Variants in DENND2D observed in about 807,000 individuals in gnomAD.
DENND2D encodes DENN domain containing 2D.
A neutral mutation model predicts 59.8 loss-of-function variants in DENND2D; 37 were observed. The ratio of observed to expected loss-of-function variants is 0.62; its 90% CI spans 0.48 to 0.81. The LOEUF (loss-of-function observed/expected upper bound fraction) is 0.81, where lower values mean the gene tolerates loss of function less well. DENND2D is among the 40% of genes least tolerant of loss of function. DENND2D has a pLI of 0.00. For missense variants in DENND2D, 525 were observed against 579.7 expected (o/e 0.91, Z 0.97); for synonymous variants, 219 against 211.3 (o/e 1.04, Z -0.31).
Position 111,188,208 on chromosome 1 carries a change from A to G in DENND2D, c.1262T>C (p.Phe421Ser), listed in dbSNP as rs563916796. 6.2e-7 allele frequency: 1 copy of G among 1,614,186 alleles called. No homozygotes were observed. The highest frequency in any genetic ancestry group is 2.2e-5 in the East Asian group (1 of 44,884). The change falls in exon 11 of 12, where the codon TTT becomes TCT. Residue 421 changes from phenylalanine (F) to serine (S), a missense_variant. Phe to Ser is a radical substitution (Grantham distance 155). Around this residue, in one of 3 missense-constraint regions of DENND2D, gnomAD observed 225 missense variants for 252.4 expected, o/e 0.89. Coordinates refer to ENST00000357640, the MANE Select transcript of DENND2D (RefSeq NM_024901.5). ...CTGTGTCTTCACAAACTTCTTCACAAATCGGCGGTTGGTCTTGGAGGTCAG... is the reference window on the plus strand; with the variant it reads ...CTGTGTCTTCACAAACTTCTTCACAGATCGGCGGTTGGTCTTGGAGGTCAG... ...KALTSKTNRR[F>S]VKKFVKTQLF...
At position 111,188,297 on chromosome 1, in the gene DENND2D, A is replaced by T; in HGVS notation, c.1173T>A (p.Ala391=). 1 of 1,614,184 alleles carries T rather than the reference A, an allele frequency of 6.2e-7. No homozygotes were observed. The highest frequency in any genetic ancestry group is 8.5e-7 in the Non-Finnish European group (1 of 1,180,036). The change falls in exon 11 of 12, where the codon GCT becomes GCA. Residue 391 remains alanine (A), a synonymous_variant. Transcript: ENST00000357640. ...CATTTGCCTCCCGCTTGATATAGGA[A>T]GCATAATGGCCCACAATCTTGACAA... is the stretch of plus-strand genomic sequence containing the variant. The part of the protein sequence containing the change: ...QFFVKIVGHY[A]SYIKREANGQ...
chr1:111,200,756 G>A (rs1658724632), upstream of DENND2D: 1 of 1,211,444 alleles, frequency 8.3e-7, no homozygotes. Flanking sequence ...CGAGAGAAAA[G>A]GTCATGAGCA....
chr1:111,187,694 A>T lies in DENND2D; in HGVS notation c.1340-13T>A. 2 of 1,607,650 alleles carry T rather than the reference A, an allele frequency of 1.2e-6. No individual in the cohort carries two copies. The highest frequency in any genetic ancestry group is 2.2e-5 in the South Asian group (2 of 90,828). ...TGTTGGAAATAGCCTGTGGGTTCAA[A>T]TACAGGTGTTAGAGGCATCTGATCT... is the stretch of plus-strand genomic sequence containing the variant. On this transcript the variant is annotated splice_polypyrimidine_tract_variant and intron_variant, in intron 11 of 11. Transcript: ENST00000357640.
At chr1:111,198,832 C>G in intron 2 of DENND2D, 90 bp from the exon 3 acceptor site, 2 of 1,350,494 alleles carry the variant, frequency 1.5e-6, no homozygotes, top group South Asian at 1.2e-5. Context: ...TCCTTTGAGG[C>G]TCTAAAGCAG....
intron 4 of DENND2D, 149 bp downstream of exon 4, chr1:111,197,771 C>A: frequency 6.9e-7 from 1 of 1,451,416 alleles, no homozygotes; most frequent in Non-Finnish European, 9.1e-7. Context: ...GCAGAGGGAG[C>A]ACTAGCATGG....
chr1:111,204,105 C>T, upstream of DENND2D: 1 of 453,674 alleles, frequency 2.2e-6, no homozygotes, highest in Non-Finnish European at 3.7e-6. Context: ...CCCGCCCCCA[C>T]CTGACCCTCT....
chr1:111,198,503 A>T, intron 3 of DENND2D, 127 bp downstream of exon 3: 2 of 898,112 alleles, frequency 2.2e-6, no homozygotes, highest in Non-Finnish European at 3.4e-6. Flanking sequence ...GTTTTCAAAC[A>T]AATCAATTAC....
At chr1:111,204,428 C>A, upstream of DENND2D, 2 of 1,306,938 alleles carry the variant, frequency 1.5e-6, no homozygotes, top group South Asian at 2.0e-5. Flanking sequence ...TCCGCGGGTC[C>A]GACACTTTCA....
Position 111,199,792 on chromosome 1 carries a change from G to C in DENND2D, c.74C>G (p.Pro25Arg), listed in dbSNP as rs755945304. The C allele has an allele frequency of 5.6e-6, 9 of 1,612,142 alleles. No individual in the cohort carries two copies. The Admixed American group carries it at 1.3e-4, about 24-fold the overall frequency. ...RRLLQLRAGP[P>R]QDNSGEALKE... ...TAAAGCTTCCCCTGAATTGTCCTGG[G>C]GTGGTCCTGAAATCAAGCCAGAGCC... is the stretch of plus-strand genomic sequence containing the variant. The change falls in exon 2 of 12, where the codon CCC becomes CGC. Residue 25 changes from proline (P) to arginine (R), a missense_variant. Coordinates refer to ENST00000357640, the MANE Select transcript of DENND2D (RefSeq NM_024901.5).
Position 111,199,813 on chromosome 1 carries a change from G to T in DENND2D, c.68-15C>A. On this transcript the variant is annotated splice_polypyrimidine_tract_variant and intron_variant, in intron 1 of 11. Transcript: ENST00000357640. ...CTGGGGTGGTCCTGAAATCAAGCCA[G>T]AGCCCATTTAGTATAATCTCATTGA... 6.2e-7 allele frequency: 1 copy of T among 1,608,894 alleles called. No homozygotes were observed.
intron 1 of DENND2D, 71 bp from the exon 2 acceptor site, chr1:111,199,869 CG>C (rs544572444): frequency 1.7e-5 from 26 of 1,547,112 alleles, no homozygotes; most frequent in Non-Finnish European, 2.1e-5. Context: ...TGTGAGAATC[CG>C]GGTGACCTCC....
chr1:111,196,007 T>C lies in DENND2D; in HGVS notation c.554A>G (p.Tyr185Cys), dbSNP rs1408484271. ...KRHQISMAVI[Y>C]PFMQGLREAA... ...CTCTCGGAGGCCCTGCATGAACGGGTAGATGACAGCCATGGAGATCTGATG... is the reference window on the plus strand; with the variant it reads ...CTCTCGGAGGCCCTGCATGAACGGGCAGATGACAGCCATGGAGATCTGATG... The change falls in exon 6 of 12, where the codon TAC becomes TGC. Residue 185 changes from tyrosine (Y) to cysteine (C), a missense_variant. Coordinates refer to ENST00000357640, the MANE Select transcript of DENND2D (RefSeq NM_024901.5). The C allele has an allele frequency of 3.7e-6, 6 of 1,613,838 alleles. No individual in the cohort carries two copies. Among genetic ancestry groups the C allele is most frequent in the Non-Finnish European group, 5.1e-6 (6 of 1,179,934 alleles).
chr1:111,189,690 G>A (rs1385914504), intron 8 of DENND2D, among the ~76,000 whole-genome samples: 2 of 152,210 alleles, frequency 1.3e-5, no homozygotes, highest in East Asian at 3.8e-4. Context: ...ACCCAAAGAA[G>A]CTGCCCGAGG....
upstream of DENND2D, among the ~76,000 whole-genome samples, chr1:111,203,876 C>G (rs947522426): frequency 6.6e-6 from 1 of 152,116 alleles, no homozygotes; most frequent in South Asian, 2.1e-4. Flanking sequence ...GGGCAAAGAC[C>G]ACGGAGGACT....
rs1012873882 is a variant in DENND2D, at chr1:111,200,340, C to A, written c.67+53G>T. On this transcript the variant is annotated intron_variant, in intron 1 of 11. Transcript: ENST00000357640. Reference sequence around the variant, plus strand: ...AGGAGCATTTCAAGGAAGAAACAGTCCCGCCTAAGAGGGTCACCCTAAAAA... The same window carrying A: ...AGGAGCATTTCAAGGAAGAAACAGTACCGCCTAAGAGGGTCACCCTAAAAA... 3 of 1,583,558 alleles carry A rather than the reference C, an allele frequency of 1.9e-6. No individual in the cohort carries two copies. The African/African-American group carries it at 4.1e-5, about 21-fold the overall frequency.
Position 111,197,808 on chromosome 1 carries a change from T to G in DENND2D, c.426+112A>C, listed in dbSNP as rs1402437812. On this transcript the variant is annotated intron_variant, in intron 4 of 11. Coordinates refer to ENST00000357640, the MANE Select transcript of DENND2D (RefSeq NM_024901.5). ...AGCAGGTCCTGGGCTGTGCTTTTTCTACAACCAGTGCTGCCAATAAGCCCG... is the reference window on the plus strand; with the variant it reads ...AGCAGGTCCTGGGCTGTGCTTTTTCGACAACCAGTGCTGCCAATAAGCCCG... 1.9e-6 allele frequency: 3 copies of G among 1,539,734 alleles called. No homozygotes were observed. In the African/African-American group the frequency reaches 4.1e-5, roughly 21 times the overall value.
At chr1:111,193,462 T>C (rs1476419884) in intron 7 of DENND2D, among the ~76,000 whole-genome samples, 1 of 151,924 alleles carries the variant, frequency 6.6e-6, no homozygotes, top group Non-Finnish European at 1.5e-5. Flanking sequence ...AGGCTGGGAG[T>C]GAAAGAGCTA....
In DENND2D at chr1:111,192,134, T is replaced by TG; in HGVS notation, c.972+5_972+6insC. On this transcript the variant is annotated splice_donor_region_variant and intron_variant, in intron 8 of 11. Coordinates refer to ENST00000357640, the MANE Select transcript of DENND2D (RefSeq NM_024901.5). The stretch of plus-strand genomic sequence containing the variant: ...CAAATCATGCACTCTTCTTGCCACA[T>TG]CATACCTCTTCCATAGGGCTGTCCA... 6.3e-7 allele frequency: 1 copy of TG among 1,588,866 alleles called. No individual in the cohort carries two copies. The highest frequency in any genetic ancestry group is 8.6e-7 in the Non-Finnish European group (1 of 1,164,692).
At chr1:111,190,929 ATAAT>A (rs1657710034) in intron 8 of DENND2D, among the ~76,000 whole-genome samples, 1 of 152,122 alleles carries the variant, frequency 6.6e-6, no homozygotes, top group Non-Finnish European at 1.5e-5. Flanking sequence ...GTGTGTATAA[ATAAT>A]TTGTTTTTCA....
Sources: allele counts gnomAD v4.1 joint callset (sites outside exome capture counted in the v4.1 genomes callset), GRCh38; gene constraint gnomAD v4.1.1; regional missense constraint gnomAD v4.1.1; transcripts MANE v1.5; gene names NCBI Gene and HGNC (gene_info 2026-07-23, HGNC 2026-07-21).